FAM184B: variants seen among roughly 807,000 people sequenced by gnomAD.
FAM184B encodes family with sequence similarity 184 member B.
A neutral mutation model predicts 135.9 loss-of-function variants in FAM184B; 111 were observed. The observed-to-expected ratio is 0.82, with a 90% CI of 0.70 to 0.96. The LOEUF is 0.96. FAM184B is among the 40% of genes least tolerant of loss of function. The probability of loss-of-function intolerance (pLI) is 0.00; values close to 1 mark genes in which losing one functional copy is unlikely to be tolerated. For synonymous variants in FAM184B, 552 were observed against 524.8 expected, an observed-to-expected ratio of 1.05 and a Z score of -0.71; for missense variants, 1,375 against 1,323.9, an observed-to-expected ratio of 1.04 and a Z score of -0.60.
chr4:17,633,648 G>A (rs1715032255), intron 17 of FAM184B, 41 bp downstream of exon 17: 2 of 1,422,278 alleles, frequency 1.4e-6, no homozygotes, highest in African/African-American at 1.5e-5. Context: ...TTATCTACAG[G>A]GAAATAGAAT....
chr4:17,670,563 G>A (rs949279847), intron 7 of FAM184B, among the ~76,000 whole-genome samples: 7 of 152,208 alleles, frequency 4.6e-5, no homozygotes, highest in African/African-American at 1.7e-4. Context: ...TCCTGGGCAG[G>A]AGTCCAGAAA....
At chr4:17,755,413 T>C (rs2108990182) in intron 1 of FAM184B, among the ~76,000 whole-genome samples, 1 of 152,284 alleles carries the variant, frequency 6.6e-6, no homozygotes, top group Middle Eastern at 3.4e-3. Context: ...AAACAACAGA[T>C]GCTGGTGAGG....
intron 1 of FAM184B, among the ~76,000 whole-genome samples, chr4:17,767,478 T>C (rs1718727092): frequency 6.6e-6 from 1 of 152,230 alleles, no homozygotes; most frequent in African/African-American, 2.4e-5. Flanking sequence ...TCAAATTACA[T>C]GTGACAGAGA....
chr4:17,749,038 T>G (rs1047729034), intron 1 of FAM184B, among the ~76,000 whole-genome samples: 2 of 150,954 alleles, frequency 1.3e-5, no homozygotes, highest in African/African-American at 4.9e-5. Context: ...CTCGCTATGT[T>G]GTCCTGGCTG....
At position 17,762,836 on chromosome 4, in the gene FAM184B, T is replaced by C. The variant is rs187196869; in HGVS notation, c.141+18323A>G. Reference sequence around the variant, plus strand: ...GCTTGGTACTCTGCCAACTCCTTTCTGTAGAGCTGGGTCTTCTCATCCATA... The same window carrying C: ...GCTTGGTACTCTGCCAACTCCTTTCCGTAGAGCTGGGTCTTCTCATCCATA... On this transcript the variant is annotated intron_variant, in intron 1 of 17. Transcript: ENST00000265018. Among the ~76,000 whole-genome samples the C allele has an allele frequency of 1.5e-3, 223 of 152,360 alleles. 2 individuals carry two copies. The highest frequency in any genetic ancestry group is 5.2e-3 in the African/African-American group (216 of 41,578).
At chr4:17,715,563 A>T (rs911374226) in intron 1 of FAM184B, among the ~76,000 whole-genome samples, 1 of 152,090 alleles carries the variant, frequency 6.6e-6, no homozygotes, top group African/African-American at 2.4e-5. Context: ...AATTCAAGAG[A>T]TCTTTCATAT....
chr4:17,734,967 A>G lies in FAM184B; in HGVS notation c.142-25323T>C, dbSNP rs541125886. Among the ~76,000 whole-genome samples the G allele has an allele frequency of 8.9e-3, 1,349 of 152,294 alleles. 18 individuals carry two copies. The highest frequency in any genetic ancestry group is 0.03 in the African/African-American group (1,238 of 41,554). On this transcript the variant is annotated intron_variant, in intron 1 of 17. Transcript: ENST00000265018. ...CAATGATAGACTGGATTAAGAAAAT[A>G]TGGCACATATACACCATGGAATACT...
At chr4:17,766,342 A>G (rs1158188086) in intron 1 of FAM184B, among the ~76,000 whole-genome samples, 1 of 152,228 alleles carries the variant, frequency 6.6e-6, no homozygotes, top group Non-Finnish European at 1.5e-5. Context: ...CACACAGAGC[A>G]CTGATTGGTG....
chr4:17,768,306 C>T (rs1041271143), intron 1 of FAM184B, among the ~76,000 whole-genome samples: 9 of 152,162 alleles, frequency 5.9e-5, no homozygotes, highest in Admixed American at 2.0e-4. Flanking sequence ...GAGACGAAGT[C>T]TCTTGTCGCC....
chr4:17,747,708 T>G (rs919351086), intron 1 of FAM184B, among the ~76,000 whole-genome samples: 2 of 151,490 alleles, frequency 1.3e-5, no homozygotes, highest in Admixed American at 6.6e-5. Flanking sequence ...GATCATGAGG[T>G]CAGGAGATCG....
chr4:17,636,670 A>G (rs1715147658), intron 14 of FAM184B, 25 bp from the exon 15 acceptor site: 3 of 1,512,400 alleles, frequency 2.0e-6, no homozygotes, highest in Non-Finnish European at 2.7e-6. Flanking sequence ...CATGCAGTCA[A>G]GTCCCCCTTA....
intron 1 of FAM184B, among the ~76,000 whole-genome samples, chr4:17,714,132 G>A (rs1021194391): frequency 2.6e-5 from 4 of 152,126 alleles, no homozygotes; most frequent in Non-Finnish European, 4.4e-5. Context: ...GTATACAGTA[G>A]GTTCACAGTA....
intron 1 of FAM184B, among the ~76,000 whole-genome samples, chr4:17,725,685 C>T (rs1717623016): frequency 6.6e-6 from 1 of 152,080 alleles, no homozygotes; most frequent in South Asian, 2.1e-4. Flanking sequence ...TGGCTGGGTT[C>T]CCTGAGCCAG....
chr4:17,730,551 A>T (rs987549562), intron 1 of FAM184B, among the ~76,000 whole-genome samples: 1 of 152,238 alleles, frequency 6.6e-6, no homozygotes, highest in Admixed American at 6.5e-5. Flanking sequence ...AGCCCATCAG[A>T]CTAACAGCAG....
At chr4:17,680,328 C>G (rs1577257914) in intron 7 of FAM184B, among the ~76,000 whole-genome samples, 1 of 151,936 alleles carries the variant, frequency 6.6e-6, no homozygotes, top group African/African-American at 2.4e-5. Context: ...TGTCTTGTAC[C>G]TGGTTGCACT....
At chr4:17,698,303 C>T (rs1400387255) in intron 5 of FAM184B, among the ~76,000 whole-genome samples, 1 of 151,990 alleles carries the variant, frequency 6.6e-6, no homozygotes, top group Non-Finnish European at 1.5e-5. Flanking sequence ...CAGAGGAAAT[C>T]CCACTGCTGA....
intron 5 of FAM184B, among the ~76,000 whole-genome samples, chr4:17,702,341 G>A (rs1028678875): frequency 2.0e-5 from 3 of 152,164 alleles, no homozygotes; most frequent in Non-Finnish European, 2.9e-5. Context: ...GTCAGTGTAT[G>A]CAAATGCTAA....
chr4:17,716,749 C>A (rs1192256060), intron 1 of FAM184B, among the ~76,000 whole-genome samples: 1 of 152,146 alleles, frequency 6.6e-6, no homozygotes, highest in Non-Finnish European at 1.5e-5. Flanking sequence ...ATCTCCAATC[C>A]CCTGCTCAGC....
chr4:17,663,851 G>A (rs1426107648), intron 8 of FAM184B, among the ~76,000 whole-genome samples: 1 of 152,134 alleles, frequency 6.6e-6, no homozygotes, highest in Non-Finnish European at 1.5e-5. Flanking sequence ...TCTTGTGATA[G>A]TGAGTGAGTT....
Sources: allele counts gnomAD v4.1 joint callset (sites outside exome capture counted in the v4.1 genomes callset), GRCh38; gene constraint gnomAD v4.1.1; transcripts MANE v1.5; gene names NCBI Gene and HGNC (gene_info 2026-07-23, HGNC 2026-07-21).